Variants in CCT5 observed in about 807,000 individuals in gnomAD.
CCT5 encodes chaperonin containing TCP1 subunit 5.
In CCT5, 6 loss-of-function variants were observed where a neutral mutation model predicts 55.0. That is an observed-to-expected ratio of 0.11 (90% CI 0.06 to 0.22). CCT5 has a LOEUF of 0.22. Among genes scored for constraint, CCT5 ranks in the 10% least tolerant of loss-of-function variants. CCT5 has a pLI of 1.00. For missense variants in CCT5, 560 were observed against 694.6 expected (o/e 0.81, Z 2.18); for synonymous variants, 231 against 243.7 (o/e 0.95, Z 0.49).
chr5:10,262,120 A>T (rs1004658939), intron 8 of CCT5: 4 of 393,218 alleles, frequency 1.0e-5, no homozygotes, highest in African/African-American at 8.3e-5. Context: ...TGGTATTATT[A>T]CCAAGGATGA....
rs1454896427 is a variant in CCT5, at chr5:10,258,233, G to C, written c.653G>C (p.Arg218Thr). 2 of 1,614,100 alleles carry C rather than the reference G, an allele frequency of 1.2e-6. No homozygotes were observed. Among genetic ancestry groups the C allele is most frequent in the African/African-American group, 1.3e-5 (1 of 74,924 alleles). Residue 218 changes from arginine (R) to threonine (T), a missense_variant, in exon 5 of 11, where the codon AGG becomes ACG. Arg to Thr is a moderately conservative substitution (Grantham distance 71). Transcript: ENST00000280326. ...AAAGTAGAAGGCAAAGTGGGCGGCA[G>C]GCTGGAGGACACTAAACTGATTAAG... ...LIKVEGKVGGRLEDTKLIKGV... is the reference protein window; with the variant it reads ...LIKVEGKVGGTLEDTKLIKGV...
At chr5:10,262,433 T>C in intron 8 of CCT5, 48 bp from the exon 9 acceptor site, 1 of 1,610,572 alleles carries the variant, frequency 6.2e-7, no homozygotes, top group Non-Finnish European at 8.5e-7. Flanking sequence ...TGGCTCTAAA[T>C]TGACTAGATC....
Position 10,261,634 on chromosome 5 carries a change from T to G in CCT5, c.1068T>G (p.Ala356=), listed in dbSNP as rs752189712. Residue 356 remains alanine, a synonymous_variant, in exon 8 of 11, where the codon GCT becomes GCG. Coordinates refer to ENST00000280326, the MANE Select transcript of CCT5 (RefSeq NM_012073.5). The part of the protein sequence containing the change: ...SELTAEKLGF[A]GLVQEISFGT... Reference sequence around the variant, plus strand: ...TCACAGCCGAGAAGCTGGGCTTTGCTGGTCTTGTACAGGAGATCTCATTTG... The same window carrying G: ...TCACAGCCGAGAAGCTGGGCTTTGCGGGTCTTGTACAGGAGATCTCATTTG... 17 of 1,614,206 alleles carry G rather than the reference T, an allele frequency of 1.1e-5. No individual in the cohort carries two copies. The highest frequency in any genetic ancestry group is 4.5e-5 in the East Asian group (2 of 44,890).
In CCT5 at chr5:10,250,299, G is replaced by T. The variant is rs753635806; in HGVS notation, c.-42G>T. ...GGAAGTGCATTCTCGCTTCCGTAGC[G>T]GTCTCCGCCGGTTGGGGGGAAGTAA... On this transcript the variant is annotated 5_prime_UTR_variant, in exon 1 of 11. Transcript: ENST00000280326. 1.2e-5 allele frequency: 20 copies of T among 1,613,310 alleles called. No homozygotes were observed. The highest frequency in any genetic ancestry group is 1.6e-5 in the Non-Finnish European group (19 of 1,179,940).
intron 3 of CCT5, among the ~76,000 whole-genome samples, chr5:10,255,361 CTTTT>C (rs1275642146): frequency 6.6e-6 from 1 of 151,860 alleles, no homozygotes; most frequent in Non-Finnish European, 1.5e-5. Flanking sequence ...AGTATTGTAC[CTTTT>C]TTTTCTGAAG....
At position 10,250,436 on chromosome 5, in the gene CCT5, G is replaced by T. The variant is rs1359521662; in HGVS notation, c.96G>T (p.Glu32Asp). Reference sequence around the variant, plus strand: ...GCAAGTCCCGTCTTATGGGACTTGAGGCCCTCAAGGTAATGGCACAGGGAC... The same window carrying T: ...GCAAGTCCCGTCTTATGGGACTTGATGCCCTCAAGGTAATGGCACAGGGAC... ...QDRKSRLMGL[E>D]ALKSHIMAAK... is the part of the protein sequence containing the mutation. The change falls in exon 1 of 11, where the codon GAG becomes GAT. Residue 32 changes from glutamate (E) to aspartate (D), a missense_variant. Coordinates refer to ENST00000280326, the MANE Select transcript of CCT5 (RefSeq NM_012073.5). 1 of 1,613,438 alleles carries T rather than the reference G, an allele frequency of 6.2e-7. No individual in the cohort carries two copies. Among genetic ancestry groups the T allele is most frequent in the Non-Finnish European group, 8.5e-7 (1 of 1,180,018 alleles).
intron 7 of CCT5, 50 bp downstream of exon 7, chr5:10,260,961 G>T (rs1745930901): frequency 1.3e-6 from 2 of 1,595,020 alleles, no homozygotes; most frequent in Non-Finnish European, 1.7e-6. Context: ...TTCATCTTAT[G>T]TGTTGAGGGG....
In CCT5 at chr5:10,262,426, C is replaced by T. The variant is rs549021775; in HGVS notation, c.1180-55C>T. 282 of 1,604,738 alleles carry T rather than the reference C, an allele frequency of 1.8e-4. 2 individuals carry two copies. The highest frequency in any genetic ancestry group is 1.7e-3 in the South Asian group (154 of 90,752). The stretch of plus-strand genomic sequence containing the variant: ...CTTTAAAAAGGTGCCAGATACTTGG[C>T]TCTAAATTGACTAGATCTTGATCAC... On this transcript the variant is annotated intron_variant, in intron 8 of 10. Transcript: ENST00000280326.
chr5:10,250,832 C>T, intron 1 of CCT5: 4 of 1,078,078 alleles, frequency 3.7e-6, no homozygotes, highest in East Asian at 1.5e-4. Context: ...TAAGGCGCTG[C>T]TGCTTAACCT....
At position 10,255,060 on chromosome 5, in the gene CCT5, T is replaced by C. The variant is rs990584361; in HGVS notation, c.331+222T>C. The stretch of plus-strand genomic sequence containing the variant: ...TTGTTAGGCATGGAGAAATGTGTAA[T>C]GATTGATTGGACACTGATTTTGCTT... On this transcript the variant is annotated intron_variant, in intron 3 of 10. Transcript: ENST00000280326. 60 of 561,626 alleles carry C rather than the reference T, an allele frequency of 1.1e-4. No individual in the cohort carries two copies. The East Asian group carries it at 1.6e-3, about 15-fold the overall frequency. 34.8% of individuals were successfully genotyped at this position (561,626 alleles called of 1,614,324 possible).
chr5:10,253,417 C>T (rs1221692954), intron 1 of CCT5, among the ~76,000 whole-genome samples: 1 of 151,844 alleles, frequency 6.6e-6, no homozygotes, highest in Admixed American at 6.6e-5. Context: ...AAAGCAAGAG[C>T]AGTTTTTCTT....
intron 9 of CCT5, 77 bp downstream of exon 9, chr5:10,262,695 G>A: frequency 6.7e-7 from 1 of 1,503,312 alleles, no homozygotes; most frequent in Non-Finnish European, 9.2e-7. Context: ...GGAACAGCGA[G>A]GTGCTGGATG....
In CCT5 at chr5:10,258,553, C is replaced by A; in HGVS notation, c.873+18C>A. ...TTCAACAAGTAAGTCTTACCAGAGTCCTCAGTGGAATTTAAACTCCCAAAG... is the reference window on the plus strand; with the variant it reads ...TTCAACAAGTAAGTCTTACCAGAGTACTCAGTGGAATTTAAACTCCCAAAG... On this transcript the variant is annotated intron_variant, in intron 6 of 10. Transcript: ENST00000280326. 1 of 1,608,018 alleles carries A rather than the reference C, an allele frequency of 6.2e-7. No homozygotes were observed. Among genetic ancestry groups the A allele is most frequent in the Non-Finnish European group, 8.5e-7 (1 of 1,174,832 alleles).
rs549880299 is a variant in CCT5 at position 10,252,699 on chromosome 5, C to T, written c.106-1446C>T. Among the ~76,000 whole-genome samples, 28 of 151,774 alleles carry T rather than the reference C, an allele frequency of 1.8e-4. 1 individual carries two copies. Among genetic ancestry groups the T allele is most frequent in the Non-Finnish European group, 3.7e-4 (25 of 67,984 alleles). On this transcript the variant is annotated intron_variant, in intron 1 of 10. Coordinates refer to ENST00000280326, the MANE Select transcript of CCT5 (RefSeq NM_012073.5). Reference sequence around the variant, plus strand: ...ATCCTGTAACCTAAAACAGAGCAGGCTAAGTTTCCAGGCCAGCCAGCATAA... The same window carrying T: ...ATCCTGTAACCTAAAACAGAGCAGGTTAAGTTTCCAGGCCAGCCAGCATAA...
chr5:10,261,046 A>C (rs1378271528), intron 7 of CCT5, 135 bp downstream of exon 7: 6 of 893,254 alleles, frequency 6.7e-6, no homozygotes, highest in Non-Finnish European at 1.1e-5. Flanking sequence ...GCTGGGAGAG[A>C]GGAAAGCGCT....
rs1246058987 is a variant in CCT5 at position 10,263,117 on chromosome 5, CT to C, written c.1318-15del. 6.2e-7 allele frequency: 1 copy of C among 1,613,406 alleles called. No individual in the cohort carries two copies. Among genetic ancestry groups the C allele is most frequent in the Non-Finnish European group, 8.5e-7 (1 of 1,179,474 alleles). On this transcript the variant is annotated splice_polypyrimidine_tract_variant and intron_variant, in intron 9 of 10. Transcript: ENST00000280326. ...TGTTTCGCCAAGTGCACTCACCATA[CT>C]TCTGTACCTTTCCAGTGCCCCACCT... is the stretch of plus-strand genomic sequence containing the variant.
At chr5:10,254,004 ACCTG>A in intron 1 of CCT5, 137 bp from the exon 2 acceptor site, 2 of 677,342 alleles carry the variant, frequency 3.0e-6, no homozygotes, top group Non-Finnish European at 5.4e-6. Context: ...TAATACTTAA[ACCTG>A]TCTGTTGCCC....
chr5:10,257,838 A>G (rs927184975), intron 4 of CCT5: 3 of 488,984 alleles, frequency 6.1e-6, no homozygotes, highest in East Asian at 7.8e-5. Context: ...TCTTGAGTAC[A>G]TTCATAATGG....
At chr5:10,261,025 G>A (rs1228131938) in intron 7 of CCT5, 114 bp downstream of exon 7, 1 of 1,086,672 alleles carries the variant, frequency 9.2e-7, no homozygotes, top group African/African-American at 1.5e-5. Flanking sequence ...TGGCAGATGA[G>A]GGGAGGGTGA....
Sources: gnomAD v4.1 joint callset for allele counts (sites outside exome capture counted in the v4.1 genomes callset) on GRCh38, gnomAD v4.1.1 for gene constraint, MANE v1.5 for transcripts, NCBI Gene and HGNC (gene_info 2026-07-23, HGNC 2026-07-21) for gene names.